Variants in UPP2 observed in about 807,000 individuals in gnomAD.
The protein encoded by UPP2 is uridine phosphorylase 2.
In UPP2, 23 loss-of-function variants were observed where a neutral mutation model predicts 26.7. The ratio of observed to expected loss-of-function variants is 0.86; its 90% CI spans 0.62 to 1.22. The LOEUF (loss-of-function observed/expected upper bound fraction) is 1.22. Ranked by LOEUF, UPP2 falls within the 50% of genes most tolerant of loss-of-function variation. The probability of loss-of-function intolerance (pLI) is 0.00; values close to 1 mark genes in which losing one functional copy is unlikely to be tolerated. For missense variants in UPP2, 387 were observed against 396.7 expected, an observed-to-expected ratio of 0.98 and a Z score of 0.21; for synonymous variants, 127 against 141.3, an observed-to-expected ratio of 0.90 and a Z score of 0.72.
intron 3 of UPP2, among the ~76,000 whole-genome samples, chr2:158,040,260 T>C (rs1181918194): frequency 2.0e-5 from 3 of 152,246 alleles, no homozygotes; most frequent in Non-Finnish European, 4.4e-5. Context: ...TAACTCTATT[T>C]GTTGAAAATT....
At chr2:158,036,327 G>A (rs934677198) in intron 3 of UPP2, among the ~76,000 whole-genome samples, 1 of 152,210 alleles carries the variant, frequency 6.6e-6, no homozygotes, top group African/African-American at 2.4e-5. Context: ...AAAGCAGGGT[G>A]GGCAAATACT....
chr2:158,077,561 G>C (rs118167024), intron 3 of UPP2, among the ~76,000 whole-genome samples: 94 of 151,996 alleles, frequency 6.2e-4, no homozygotes, highest in African/African-American at 2.3e-3. Context: ...TCTCTTTAAG[G>C]TGCTGGGAAA....
At chr2:158,125,132 A>G (rs28660327) in intron 6 of UPP2, among the ~76,000 whole-genome samples, 84,994 of 151,990 alleles carry the variant, frequency 0.56, 24,240 homozygotes, top group African/African-American at 0.61. Context: ...CTGATATGCA[A>G]AGAGGAAGGC....
chr2:158,116,232 T>C (rs1433505712), intron 3 of UPP2, among the ~76,000 whole-genome samples: 2 of 152,204 alleles, frequency 1.3e-5, no homozygotes, highest in Non-Finnish European at 2.9e-5. Flanking sequence ...CACTTGTGCA[T>C]TCAATAAACC....
At chr2:158,010,166 G>A (rs1177937373) in intron 2 of UPP2, among the ~76,000 whole-genome samples, 1 of 152,186 alleles carries the variant, frequency 6.6e-6, no homozygotes, top group African/African-American at 2.4e-5. Flanking sequence ...GAAAGCGACA[G>A]AAGAATGAGG....
chr2:158,043,567 A>G (rs1334197800), intron 3 of UPP2, among the ~76,000 whole-genome samples: 1 of 152,202 alleles, frequency 6.6e-6, no homozygotes, highest in African/African-American at 2.4e-5. Context: ...GAATCTGAAT[A>G]AGCCTCAAAT....
intron 2 of UPP2, among the ~76,000 whole-genome samples, chr2:157,998,120 A>T (rs570957389): frequency 6.6e-5 from 10 of 152,188 alleles, no homozygotes; most frequent in African/African-American, 1.9e-4. Context: ...ATGCAACTGG[A>T]GGTGGTTTTA....
At chr2:158,034,910 C>T (rs1285069153) in intron 3 of UPP2, among the ~76,000 whole-genome samples, 1 of 152,112 alleles carries the variant, frequency 6.6e-6, no homozygotes, top group African/African-American at 2.4e-5. Context: ...GGCCCTCCTC[C>T]AAATAAAGTG....
At chr2:158,089,528 G>T (rs1001951032) in intron 3 of UPP2, among the ~76,000 whole-genome samples, 1 of 152,192 alleles carries the variant, frequency 6.6e-6, no homozygotes, top group Non-Finnish European at 1.5e-5. Context: ...AGGAAACTTT[G>T]CACTCGGTTG....
At chr2:158,129,773 G>GT (rs140812119) in intron 6 of UPP2, among the ~76,000 whole-genome samples, 14,279 of 145,352 alleles carry the variant, frequency 0.098, 866 homozygotes, top group East Asian at 0.25. Flanking sequence ...TTTTTTGTTT[G>GT]TTTTTTTTTT....
chr2:158,097,207 T>G (rs76283537), upstream of UPP2, among the ~76,000 whole-genome samples: 5 of 152,170 alleles, frequency 3.3e-5, no homozygotes, highest in African/African-American at 1.2e-4. Context: ...ACACTTCTTA[T>G]GTGGCGTTTC....
chr2:158,082,057 C>T (rs1176351705), intron 3 of UPP2, among the ~76,000 whole-genome samples: 1 of 151,722 alleles, frequency 6.6e-6, no homozygotes, highest in Non-Finnish European at 1.5e-5. Flanking sequence ...AAGCAATTCT[C>T]CTGCTTCAGC....
chr2:158,030,009 G>A (rs1276519140), intron 3 of UPP2, among the ~76,000 whole-genome samples: 2 of 152,126 alleles, frequency 1.3e-5, no homozygotes, highest in Non-Finnish European at 2.9e-5. Context: ...AGCAAAAAGG[G>A]AAGTAGTTGT....
intron 3 of UPP2, among the ~76,000 whole-genome samples, chr2:158,041,514 A>G (rs1684081108): frequency 1.3e-5 from 2 of 152,124 alleles, no homozygotes; most frequent in South Asian, 2.1e-4. Flanking sequence ...TTGAAGCTCA[A>G]ATTATGTCCT....
At chr2:158,077,055 T>G (rs1023454385) in intron 3 of UPP2, among the ~76,000 whole-genome samples, 1 of 151,888 alleles carries the variant, frequency 6.6e-6, no homozygotes, top group African/African-American at 2.4e-5. Context: ...AACAAAAAAG[T>G]AATCTTATTT....
intron 2 of UPP2, among the ~76,000 whole-genome samples, chr2:158,002,089 A>G (rs1197611590): frequency 3.9e-5 from 6 of 152,130 alleles, no homozygotes; most frequent in Non-Finnish European, 8.8e-5. Flanking sequence ...TTACCAATAT[A>G]AAATTCACCT....
intron 4 of UPP2, 122 bp downstream of exon 4, chr2:158,118,060 G>A: frequency 1.3e-6 from 1 of 779,848 alleles, no homozygotes; most frequent in Non-Finnish European, 2.1e-6. Context: ...GTGTCAGAAG[G>A]CTGGACTTGA....
Position 158,131,443 on chromosome 2 carries a change from C to G in UPP2, c.812-3305C>G, listed in dbSNP as rs76587146. ...AGTGAATTTTCAGGGGCCCTGGGACCCCTGAAGTTATACACAAATATTTTG... is the reference window on the plus strand; with the variant it reads ...AGTGAATTTTCAGGGGCCCTGGGACGCCTGAAGTTATACACAAATATTTTG... On this transcript the variant is annotated intron_variant, in intron 6 of 6. Coordinates refer to ENST00000005756, the MANE Select transcript of UPP2 (RefSeq NM_173355.4). Among the ~76,000 whole-genome samples, 464 of 152,078 alleles carry G rather than the reference C, an allele frequency of 3.1e-3. 1 individual carries two copies. The highest frequency in any genetic ancestry group is 0.017 in the Middle Eastern group (5 of 294).
intron 3 of UPP2, among the ~76,000 whole-genome samples, chr2:158,115,844 G>C (rs1683418884): frequency 6.6e-6 from 1 of 152,214 alleles, no homozygotes; most frequent in South Asian, 2.1e-4. Flanking sequence ...ACACTGATGA[G>C]GGCGTATGTG....
Sources: allele counts gnomAD v4.1 joint callset (sites outside exome capture counted in the v4.1 genomes callset), GRCh38; gene constraint gnomAD v4.1.1; transcripts MANE v1.5; gene names NCBI Gene and HGNC (gene_info 2026-07-23, HGNC 2026-07-21).